ZFHX4: variants seen among roughly 807,000 people sequenced by gnomAD.
The protein encoded by ZFHX4 is zinc finger homeobox 4.
A neutral mutation model predicts 267.6 loss-of-function variants in ZFHX4; 56 were observed. The observed-to-expected ratio is 0.21, with a 90% confidence interval of 0.17 to 0.26. The LOEUF (loss-of-function observed/expected upper bound fraction) is 0.26. Among genes scored for constraint, ZFHX4 ranks in the 10% least tolerant of loss-of-function variants. The pLI is 1.00. For synonymous variants in ZFHX4, 1,778 were observed against 1,665.6 expected (o/e 1.07, Z -1.64); for missense variants, 4,332 against 4,420.0 (o/e 0.98, Z 0.56).
At chr8:76,753,171 C>G (rs1347121655) in intron 3 of ZFHX4, among the ~76,000 whole-genome samples, 3 of 152,242 alleles carry the variant, frequency 2.0e-5, no homozygotes, top group Non-Finnish European at 4.4e-5. Context: ...CCAGGCTTCT[C>G]TAGAATTAAA....
At chr8:76,742,289 C>A (rs905268168) in intron 3 of ZFHX4, among the ~76,000 whole-genome samples, 4 of 152,140 alleles carry the variant, frequency 2.6e-5, no homozygotes, top group Admixed American at 6.5e-5. Context: ...TACTGCACTT[C>A]TATTTTTTCT....
intron 4 of ZFHX4, among the ~76,000 whole-genome samples, chr8:76,815,463 G>A (rs1811480874): frequency 6.6e-6 from 1 of 152,030 alleles, no homozygotes; most frequent in African/African-American, 2.4e-5. Flanking sequence ...CTCACATGGT[G>A]GAAGGGATTA....
chr8:76,750,791 A>G (rs559329985), intron 3 of ZFHX4, among the ~76,000 whole-genome samples: 3 of 152,274 alleles, frequency 2.0e-5, no homozygotes, highest in South Asian at 4.1e-4. Context: ...CCAGGAATGA[A>G]TCTAAATATA....
intron 1 of ZFHX4, among the ~76,000 whole-genome samples, chr8:76,688,416 G>A (rs1260796158): frequency 6.6e-6 from 1 of 152,092 alleles, no homozygotes; most frequent in African/African-American, 2.4e-5. Flanking sequence ...GGGTACTGAT[G>A]TATTTTCTTA....
intron 3 of ZFHX4, among the ~76,000 whole-genome samples, chr8:76,766,133 C>A: frequency 6.7e-6 from 1 of 149,712 alleles, no homozygotes; most frequent in Non-Finnish European, 1.5e-5. Flanking sequence ...ATAATAGTAC[C>A]ACCACATTTT....
rs528175917 is a variant in ZFHX4 at position 76,774,072 on chromosome 8, C to A, written c.3094-4136C>A. Among the ~76,000 whole-genome samples, 7 of 152,180 alleles carry A rather than the reference C, an allele frequency of 4.6e-5. No individual in the cohort carries two copies. The South Asian group carries it at 1.5e-3, about 32-fold the overall frequency. On this transcript the variant is annotated intron_variant, in intron 3 of 10. Coordinates refer to ENST00000651372, the MANE Select transcript of ZFHX4 (RefSeq NM_024721.5). ...AGCAGACTCTAGTCCAAATTCTGGACCCCCATCCAAGTTCTGGACTCCAAA... is the reference window on the plus strand; with the variant it reads ...AGCAGACTCTAGTCCAAATTCTGGAACCCCATCCAAGTTCTGGACTCCAAA...
In ZFHX4 at chr8:76,706,340, G is replaced by C. The variant is rs138610695; in HGVS notation, c.2252G>C (p.Ser751Thr). ...HSAPAPNTSL[S>T]GCGTPSPSKP... is the part of the protein sequence containing the mutation. ...GCCCCAGCCCCCAACACCAGCCTCA[G>C]TGGCTGCGGAACACCCTCTCCGTCC... Residue 751 changes from serine to threonine, a missense_variant, in exon 2 of 11, where the codon AGT becomes ACT. By Grantham distance (58) the Ser-to-Thr change is moderately conservative (BLOSUM62 1). Coordinates refer to ENST00000651372, the MANE Select transcript of ZFHX4 (RefSeq NM_024721.5). The C allele has an allele frequency of 4.0e-4, 639 of 1,614,050 alleles. 7 individuals carry two copies. In the African/African-American group the frequency reaches 5.9e-3, roughly 15 times the overall value.
At chr8:76,861,147 T>C (rs1812856081) in intron 10 of ZFHX4, among the ~76,000 whole-genome samples, 1 of 152,198 alleles carries the variant, frequency 6.6e-6, no homozygotes, top group African/African-American at 2.4e-5. Context: ...TTTAAATTTA[T>C]TTTTAATGTG....
chr8:76,805,096 T>A (rs756962083), intron 4 of ZFHX4, among the ~76,000 whole-genome samples: 14 of 152,128 alleles, frequency 9.2e-5, no homozygotes, highest in Non-Finnish European at 1.6e-4. Flanking sequence ...AACTAATCAG[T>A]GGCATACAAG....
chr8:76,738,542 T>G (rs1047590030), intron 3 of ZFHX4, among the ~76,000 whole-genome samples: 5 of 152,146 alleles, frequency 3.3e-5, no homozygotes, highest in Admixed American at 2.6e-4. Context: ...CTATCCATAT[T>G]TCTTGTATAA....
At position 76,718,222 on chromosome 8, in the gene ZFHX4, A is replaced by G. The variant is rs555742204; in HGVS notation, c.3093+10174A>G. Reference sequence around the variant, plus strand: ...TAGTGTTTTTTTGAAAAAGATTGACATGCTAAAATGGGAATTATATAAAAC... The same window carrying G: ...TAGTGTTTTTTTGAAAAAGATTGACGTGCTAAAATGGGAATTATATAAAAC... On this transcript the variant is annotated intron_variant, in intron 3 of 10. Coordinates refer to ENST00000651372, the MANE Select transcript of ZFHX4 (RefSeq NM_024721.5). 4.6e-5 allele frequency among the ~76,000 whole-genome samples: 7 copies of G among 152,334 alleles called. No individual in the cohort carries two copies. The South Asian group carries it at 1.2e-3, about 27-fold the overall frequency.
At chr8:76,760,951 G>A (rs76103153) in intron 3 of ZFHX4, among the ~76,000 whole-genome samples, 299 of 105,938 alleles carry the variant, frequency 2.8e-3, no homozygotes, top group African/African-American at 9.6e-3. Flanking sequence ...AAAAAAAAAA[G>A]AGAAAAAAAA....
intron 4 of ZFHX4, among the ~76,000 whole-genome samples, chr8:76,831,762 G>C (rs548650807): frequency 4.9e-4 from 74 of 152,124 alleles, no homozygotes; most frequent in Non-Finnish European, 1.0e-3. Flanking sequence ...TTTTGGTTCT[G>C]AGGGAAGAAT....
intron 4 of ZFHX4, among the ~76,000 whole-genome samples, chr8:76,797,886 ATGTGTGTGTGTG>A (rs10694486): frequency 2.1e-5 from 3 of 140,180 alleles, no homozygotes; most frequent in African/African-American, 7.7e-5. Context: ...GTGTGTCTGT[ATGTGTGTGTGTG>A]TGTGTGTGTG....
At chr8:76,807,362 A>G (rs377451715) in intron 4 of ZFHX4, among the ~76,000 whole-genome samples, 32 of 152,222 alleles carry the variant, frequency 2.1e-4, no homozygotes, top group Middle Eastern at 3.4e-3. Context: ...GATATAATGA[A>G]TGAATGAAGA....
At chr8:76,849,972 C>T in intron 8 of ZFHX4, 1 of 573,400 alleles carries the variant, frequency 1.7e-6, no homozygotes, top group East Asian at 2.9e-5. Context: ...TCAAATAACC[C>T]CAGTGGGCAC....
chr8:76,786,835 C>T (rs144499785), intron 4 of ZFHX4, among the ~76,000 whole-genome samples: 159 of 152,266 alleles, frequency 1.0e-3, no homozygotes, highest in Non-Finnish European at 1.8e-3. Flanking sequence ...GTTCACAGCA[C>T]TTTTGAGGTT....
intron 3 of ZFHX4, among the ~76,000 whole-genome samples, chr8:76,760,752 A>G (rs1809889043): frequency 1.3e-5 from 2 of 151,860 alleles, no homozygotes; most frequent in African/African-American, 4.8e-5. Context: ...ACATAAGGAG[A>G]TCTCTTCTCT....
chr8:76,828,904 T>G (rs1357502858), intron 4 of ZFHX4, among the ~76,000 whole-genome samples: 1 of 152,234 alleles, frequency 6.6e-6, no homozygotes. Context: ...GTGGTATATA[T>G]TTTATTTTAT....
Sources: gnomAD v4.1 joint callset for allele counts (sites outside exome capture counted in the v4.1 genomes callset) on GRCh38, gnomAD v4.1.1 for gene constraint, MANE v1.5 for transcripts, NCBI Gene and HGNC (gene_info 2026-07-23, HGNC 2026-07-21) for gene names.